Variants in MYO3B observed in about 807,000 individuals in gnomAD.
The protein encoded by MYO3B is myosin-IIIb.
MYO3B carries 156 observed loss-of-function variants against 174.6 expected under a neutral mutation model. The observed-to-expected ratio is 0.89, with a 90% CI of 0.78 to 1.02. The LOEUF (loss-of-function observed/expected upper bound fraction) is 1.02, where lower values mean the gene tolerates loss of function less well. Ranked by LOEUF, MYO3B falls within the 50% of genes least tolerant of loss-of-function variation. MYO3B has a pLI of 0.00. For synonymous variants in MYO3B, 563 were observed against 569.1 expected (o/e 0.99, Z 0.15); for missense variants, 1,632 against 1,639.4 (o/e 1.00, Z 0.08).
chr2:170,577,690 C>G (rs781345697), intron 32 of MYO3B, among the ~76,000 whole-genome samples: 3 of 152,140 alleles, frequency 2.0e-5, no homozygotes, highest in Non-Finnish European at 4.4e-5. Context: ...TTACTGGGCA[C>G]TTTAAAATGA....
At chr2:170,553,569 G>A (rs111785523) in intron 32 of MYO3B, among the ~76,000 whole-genome samples, 5,409 of 68,778 alleles carry the variant, frequency 0.079, 311 homozygotes, top group African/African-American at 0.28. Flanking sequence ...TGGTTTTACA[G>A]GCTTATAGGT....
chr2:170,620,730 G>A (rs941997994), intron 32 of MYO3B, among the ~76,000 whole-genome samples: 11 of 152,216 alleles, frequency 7.2e-5, no homozygotes, highest in Non-Finnish European at 1.6e-4. Flanking sequence ...AGAACCCTGA[G>A]CTTAGGAACC....
At chr2:170,201,357 G>T (rs1446632562) in intron 3 of MYO3B, among the ~76,000 whole-genome samples, 1 of 152,204 alleles carries the variant, frequency 6.6e-6, no homozygotes, top group Non-Finnish European at 1.5e-5. Flanking sequence ...GGTCACGTAG[G>T]TGACCCAGCA....
intron 25 of MYO3B, among the ~76,000 whole-genome samples, chr2:170,485,164 A>G (rs899357981): frequency 6.6e-6 from 1 of 152,106 alleles, no homozygotes; most frequent in Non-Finnish European, 1.5e-5. Context: ...CGATTCTTTG[A>G]CCAGGATTTG....
chr2:170,559,877 C>A (rs1164026359), intron 32 of MYO3B, among the ~76,000 whole-genome samples: 1 of 151,976 alleles, frequency 6.6e-6, no homozygotes, highest in East Asian at 1.9e-4. Flanking sequence ...ACTAAAATTC[C>A]CTGTTCTGTG....
chr2:170,288,773 G>A (rs924251127), intron 7 of MYO3B, among the ~76,000 whole-genome samples: 2 of 152,028 alleles, frequency 1.3e-5, no homozygotes, highest in African/African-American at 4.8e-5. Context: ...AGAAGTGAAA[G>A]TGGGCATCCT....
rs138969277 is a variant in MYO3B at position 170,398,624 on chromosome 2, A to G, written c.1792-1564A>G. Among the ~76,000 whole-genome samples the G allele has an allele frequency of 2.0e-3, 297 of 152,256 alleles. 2 individuals are homozygous for G. Among genetic ancestry groups the G allele is most frequent in the African/African-American group, 7.0e-3 (289 of 41,562 alleles). On this transcript the variant is annotated intron_variant, in intron 16 of 34. Transcript: ENST00000408978. ...TCACTTGCTTAGTATAAACTCAGGT[A>G]TGGTTGAAAGGGGCTTGTTGTAAAT...
intron 28 of MYO3B, among the ~76,000 whole-genome samples, chr2:170,511,358 G>C (rs562606190): frequency 6.6e-6 from 1 of 151,826 alleles, no homozygotes. Flanking sequence ...GAGCCACCGC[G>C]CCCAGCCTTA....
intron 7 of MYO3B, among the ~76,000 whole-genome samples, chr2:170,258,782 G>C (rs1008558483): frequency 6.6e-6 from 1 of 152,098 alleles, no homozygotes; most frequent in African/African-American, 2.4e-5. Flanking sequence ...TCTCTTCACT[G>C]ATGATATGAT....
chr2:170,179,499 G>C (rs920949382), intron 1 of MYO3B, among the ~76,000 whole-genome samples: 2 of 152,170 alleles, frequency 1.3e-5, no homozygotes, highest in Admixed American at 6.6e-5. Context: ...TGAGGGCTCT[G>C]CCCTTATGAA....
intron 8 of MYO3B, among the ~76,000 whole-genome samples, chr2:170,366,690 C>T (rs946011225): frequency 1.3e-5 from 2 of 152,164 alleles, no homozygotes; most frequent in Non-Finnish European, 2.9e-5. Flanking sequence ...TTAGTTTCTT[C>T]TTTGTCTAAT....
chr2:170,236,189 G>T, intron 7 of MYO3B, 53 bp downstream of exon 7: 2 of 1,559,540 alleles, frequency 1.3e-6, no homozygotes, highest in Non-Finnish European at 1.7e-6. Flanking sequence ...AAAGCGTCTG[G>T]TTAGAGGGAT....
Position 170,519,518 on chromosome 2 carries a change from C to T in MYO3B, c.3553C>T (p.Pro1185Ser). The T allele has an allele frequency of 1.9e-6, 3 of 1,614,004 alleles. No homozygotes were observed. The South Asian group carries it at 3.3e-5, about 18-fold the overall frequency. The change falls in exon 30 of 35, where the codon CCT becomes TCT. Residue 1185 changes from proline (P) to serine (S), a missense_variant. Coordinates refer to ENST00000408978, the MANE Select transcript of MYO3B (RefSeq NM_138995.5). ...CCGTACACAGACTTCAAGCAACTCT[C>T]CTGCTGTCACAGAGAAAAATGGGTG... ...NGRTQTSSNS[P>S]AVTEKNGHSQ...
At chr2:170,620,641 C>T (rs1300343162) in intron 32 of MYO3B, among the ~76,000 whole-genome samples, 1 of 152,212 alleles carries the variant, frequency 6.6e-6, no homozygotes, top group African/African-American at 2.4e-5. Flanking sequence ...ATTGGTTACC[C>T]TTGTCCCCAA....
chr2:170,371,791 G>A (rs1434403426), intron 9 of MYO3B, among the ~76,000 whole-genome samples: 1 of 151,772 alleles, frequency 6.6e-6, no homozygotes, highest in African/African-American at 2.4e-5. Context: ...CCGGCAGGCA[G>A]TGCAATGTGG....
intron 25 of MYO3B, among the ~76,000 whole-genome samples, chr2:170,474,851 A>G (rs1317686623): frequency 3.3e-5 from 5 of 149,964 alleles, no homozygotes; most frequent in African/African-American, 1.2e-4. Flanking sequence ...CAGTTCAGAA[A>G]GGTTCACCTT....
chr2:170,275,291 A>G (rs2093456330), intron 7 of MYO3B, among the ~76,000 whole-genome samples: 1 of 152,226 alleles, frequency 6.6e-6, no homozygotes, highest in Non-Finnish European at 1.5e-5. Context: ...TCCCAAATGT[A>G]TTTGAGAAAT....
chr2:170,322,980 G>A (rs1017189925), intron 7 of MYO3B, among the ~76,000 whole-genome samples: 1 of 152,224 alleles, frequency 6.6e-6, no homozygotes, highest in East Asian at 1.9e-4. Flanking sequence ...AGAATATAAT[G>A]CTAACTTTAT....
At chr2:170,369,789 A>G (rs2094226632) in intron 9 of MYO3B, among the ~76,000 whole-genome samples, 1 of 152,088 alleles carries the variant, frequency 6.6e-6, no homozygotes. Flanking sequence ...GAAGAGCAGT[A>G]ATGCAGGCTG....
Sources: gnomAD v4.1 joint callset for allele counts (sites outside exome capture counted in the v4.1 genomes callset) on GRCh38, gnomAD v4.1.1 for gene constraint, MANE v1.5 for transcripts, NCBI Gene and HGNC (gene_info 2026-07-23, HGNC 2026-07-21) for gene names.